Variants in SMTNL2 observed in about 807,000 individuals in gnomAD.
SMTNL2 encodes the protein smoothelin-like protein 2.
A neutral mutation model predicts 44.1 loss-of-function variants in SMTNL2; 43 were observed. That is an observed-to-expected ratio of 0.98 (90% CI 0.76 to 1.26). The LOEUF (loss-of-function observed/expected upper bound fraction) is 1.26. SMTNL2 is among the 50% of genes most tolerant of loss of function. The probability of loss-of-function intolerance (pLI) is 0.00; values close to 1 mark genes in which losing one functional copy is unlikely to be tolerated. For missense variants in SMTNL2, 646 were observed against 670.2 expected, an observed-to-expected ratio of 0.96 and a Z score of 0.40; for synonymous variants, 317 against 287.6, an observed-to-expected ratio of 1.10 and a Z score of -1.03.
At chr17:4,589,440 G>T (rs756634477) in intron 1 of SMTNL2, among the ~76,000 whole-genome samples, 13 of 152,096 alleles carry the variant, frequency 8.5e-5, no homozygotes, top group Non-Finnish European at 1.6e-4. Flanking sequence ...TGCCGACATG[G>T]TCTACACGGC....
At chr17:4,605,723 C>CT (rs1207813382) in intron 7 of SMTNL2, among the ~76,000 whole-genome samples, 2 of 152,168 alleles carry the variant, frequency 1.3e-5, no homozygotes, top group African/African-American at 4.8e-5. Context: ...GTACACACAG[C>CT]TGCTGAAGGA....
chr17:4,600,600 T>C lies in SMTNL2; in HGVS notation c.1259+3277T>C, dbSNP rs1271704838. On this transcript the variant is annotated intron_variant, in intron 7 of 7. Coordinates refer to ENST00000389313, the MANE Select transcript of SMTNL2 (RefSeq NM_001114974.2). The surrounding 1 kb of genome is among the most constrained non-coding windows in gnomAD (Gnocchi z 4.7). ...ACCTGATAATTTATGGTCCCAGAGA[T>C]TCCCGGTGGCCTAATCTGTGTGAAT... is the stretch of plus-strand genomic sequence containing the variant. Among the ~76,000 whole-genome samples, 1 of 152,064 alleles carries C rather than the reference T, an allele frequency of 6.6e-6. No homozygotes were observed. The highest frequency in any genetic ancestry group is 1.5e-5 in the Non-Finnish European group (1 of 67,996).
rs1909774362 is a variant in SMTNL2 at position 4,595,541 on chromosome 17, G to A, written c.989+214G>A. On this transcript the variant is annotated intron_variant, in intron 5 of 7. Coordinates refer to ENST00000389313, the MANE Select transcript of SMTNL2 (RefSeq NM_001114974.2). The surrounding 1 kb of genome is among the most constrained non-coding windows in gnomAD (Gnocchi z 5.1). Reference sequence around the variant, plus strand: ...ACCCCAGTTGTTGGGGGAGATGGCTGTGAGGCAGGGAGCCAGGAAGGCTTG... The same window carrying A: ...ACCCCAGTTGTTGGGGGAGATGGCTATGAGGCAGGGAGCCAGGAAGGCTTG... Among the ~76,000 whole-genome samples, 1 of 152,252 alleles carries A rather than the reference G, an allele frequency of 6.6e-6. No homozygotes were observed. Among genetic ancestry groups the A allele is most frequent in the Admixed American group, 6.5e-5 (1 of 15,286 alleles).
chr17:4,604,891 G>C (rs1910204844), intron 7 of SMTNL2, among the ~76,000 whole-genome samples: 3 of 151,828 alleles, frequency 2.0e-5, no homozygotes, highest in Admixed American at 2.0e-4. Context: ...GGCTGGTTTG[G>C]AACTCCTGGC....
At chr17:4,593,326 C>G (rs1909661737) in intron 3 of SMTNL2, among the ~76,000 whole-genome samples, 155 bp downstream of exon 3, 1 of 152,270 alleles carries the variant, frequency 6.6e-6, no homozygotes, top group African/African-American at 2.4e-5. Context: ...TTCCCTTAGC[C>G]CATCCTCCCG....
rs1055931817 is a variant in SMTNL2 at position 4,594,586 on chromosome 17, CG to C, written c.807-557del. Among the ~76,000 whole-genome samples the C allele has an allele frequency of 2.4e-4, 36 of 152,252 alleles. No individual in the cohort carries two copies. In the East Asian group the frequency reaches 3.7e-3, roughly 16 times the overall value. ...CAGCCAGCTGGGGTCCCTCAGAGCCCGGAACTTCCTGCCCACGGGCTGCGAG... is the reference window on the plus strand; with the variant it reads ...CAGCCAGCTGGGGTCCCTCAGAGCCCGAACTTCCTGCCCACGGGCTGCGAG... On this transcript the variant is annotated intron_variant, in intron 4 of 7. Coordinates refer to ENST00000389313, the MANE Select transcript of SMTNL2 (RefSeq NM_001114974.2).
At position 4,597,192 on chromosome 17, in the gene SMTNL2, C is replaced by A; in HGVS notation, c.1128C>A (p.Phe376Leu). 1 of 1,613,840 alleles carries A rather than the reference C, an allele frequency of 6.2e-7. No homozygotes were observed. Among genetic ancestry groups the A allele is most frequent in the Non-Finnish European group, 8.5e-7 (1 of 1,179,910 alleles). ...LGYQHVDLQN[F>L]SSSWSDGMAF... ...TGCAGCACGTGGACCTGCAGAACTT[C>A]TCCTCCAGCTGGAGCGACGGCATGG... Residue 376 changes from phenylalanine (F) to leucine (L), a missense_variant, in exon 7 of 8, where the codon TTC becomes TTA. By Grantham distance (22) the Phe-to-Leu change is conservative. Transcript: ENST00000389313.
chr17:4,585,054 C>A, intron 1 of SMTNL2, 50 bp downstream of exon 1: 1 of 1,289,184 alleles, frequency 7.8e-7, no homozygotes, highest in South Asian at 2.2e-5. Flanking sequence ...GGGCTCCGAA[C>A]CGGGTGCCGC....
At chr17:4,593,240 G>T in intron 3 of SMTNL2, 69 bp downstream of exon 3, 2 of 1,509,314 alleles carry the variant, frequency 1.3e-6, no homozygotes, top group Non-Finnish European at 1.8e-6. Flanking sequence ...GCCGGGGCTG[G>T]GGAGAGGGAG....
In SMTNL2 at chr17:4,600,102, G is replaced by A. The variant is rs546934429; in HGVS notation, c.1259+2779G>A. On this transcript the variant is annotated intron_variant, in intron 7 of 7. Transcript: ENST00000389313. The surrounding 1 kb of genome is among the most constrained non-coding windows in gnomAD (Gnocchi z 4.7). ...AGAGGCCTCCCCTCATGACTCATCCGTAAGATTATCTCCCAGGTACTAGGG... is the reference window on the plus strand; with the variant it reads ...AGAGGCCTCCCCTCATGACTCATCCATAAGATTATCTCCCAGGTACTAGGG... Among the ~76,000 whole-genome samples, 7 of 152,168 alleles carry A rather than the reference G, an allele frequency of 4.6e-5. No individual in the cohort carries two copies. Among genetic ancestry groups the A allele is most frequent in the Non-Finnish European group, 8.8e-5 (6 of 68,030 alleles).
chr17:4,602,202 T>C (rs773435429), intron 7 of SMTNL2, among the ~76,000 whole-genome samples: 24 of 152,098 alleles, frequency 1.6e-4, no homozygotes, highest in South Asian at 1.0e-3. Flanking sequence ...GAAATGCTCA[T>C]TGGCGCATTT....
chr17:4,605,153 G>GTTTTTT (rs753950451), intron 7 of SMTNL2, among the ~76,000 whole-genome samples: 15 of 82,248 alleles, frequency 1.8e-4, no homozygotes, highest in African/African-American at 6.5e-4. Context: ...TTTTTGTTTG[G>GTTTTTT]TTTTTTTTTT....
In SMTNL2 at chr17:4,593,142, T is replaced by A. The variant is rs1464216123; in HGVS notation, c.701T>A (p.Val234Asp). The change falls in exon 3 of 8, where the codon GTC becomes GAC. Residue 234 changes from valine (V) to aspartate (D), a missense_variant. Physicochemically the swap from Val to Asp is radical, Grantham distance 152. Coordinates refer to ENST00000389313, the MANE Select transcript of SMTNL2 (RefSeq NM_001114974.2). Reference sequence around the variant, plus strand: ...GGCCTCAACCCAAGCCCCAGCGAGGTCATCACGCCCTGGACTCCCAGTCCT... The same window carrying A: ...GGCCTCAACCCAAGCCCCAGCGAGGACATCACGCCCTGGACTCCCAGTCCT... The part of the protein sequence containing the change: ...LGGLNPSPSE[V>D]ITPWTPSPSE... 1 of 1,609,878 alleles carries A rather than the reference T, an allele frequency of 6.2e-7. No homozygotes were observed.
chr17:4,604,229 G>A (rs942308641), intron 7 of SMTNL2, among the ~76,000 whole-genome samples: 2 of 152,068 alleles, frequency 1.3e-5, no homozygotes, highest in African/African-American at 2.4e-5. Flanking sequence ...CCCTGACATC[G>A]AGCCCTGCCC....
rs778604003 is a variant in SMTNL2, at chr17:4,593,826, G to T, written c.735G>T (p.Lys245Asn). The T allele has an allele frequency of 4.0e-5, 64 of 1,613,760 alleles. No individual in the cohort carries two copies. Among genetic ancestry groups the T allele is most frequent in the Non-Finnish European group, 4.9e-5 (58 of 1,180,010 alleles). The change falls in exon 4 of 8, where the codon AAG becomes AAT. Residue 245 changes from lysine (K) to asparagine (N), a missense_variant. Physicochemically the swap from Lys to Asn is moderately conservative, Grantham distance 94. Transcript: ENST00000389313. ...CTCTCCCTCTCTCTTCCACAGAGAA[G>T]AATTCCTCTTTCACGTGGTCTGTGC... The part of the protein sequence containing the change: ...ITPWTPSPSE[K>N]NSSFTWSVPS...
intron 6 of SMTNL2, 61 bp downstream of exon 6, chr17:4,597,038 G>A (rs905234137): frequency 7.2e-5 from 107 of 1,478,356 alleles, no homozygotes; most frequent in Middle Eastern, 1.9e-4. Flanking sequence ...ACCAAGCGTC[G>A]CCCCTGTCCT....
intron 7 of SMTNL2, among the ~76,000 whole-genome samples, chr17:4,605,058 A>G (rs1910211170): frequency 6.6e-6 from 1 of 151,120 alleles, no homozygotes; most frequent in Non-Finnish European, 1.5e-5. Context: ...TTTTGATCTC[A>G]CATTCAGGCC....
intron 1 of SMTNL2, among the ~76,000 whole-genome samples, chr17:4,591,831 C>T (rs78400833): frequency 0.11 from 16,312 of 152,274 alleles, 1,015 homozygotes; most frequent in South Asian, 0.17. Context: ...TCGCACGGAG[C>T]TGATCAGGCG....
chr17:4,586,690 G>T (rs1909359264), intron 1 of SMTNL2, among the ~76,000 whole-genome samples: 1 of 152,198 alleles, frequency 6.6e-6, no homozygotes, highest in Admixed American at 6.5e-5. Context: ...TGGATGGAAG[G>T]TGGAGGGTGG....
Sources: allele counts gnomAD v4.1 joint callset (sites outside exome capture counted in the v4.1 genomes callset), GRCh38; gene constraint gnomAD v4.1.1; non-coding constraint Gnocchi (gnomAD v3.1); transcripts MANE v1.5; gene names NCBI Gene and HGNC (gene_info 2026-07-23, HGNC 2026-07-21).